Variants in RBFOX1 observed in about 807,000 individuals in gnomAD.
RBFOX1 encodes the protein RNA binding fox-1 homolog 1.
Under a neutral mutation model 57.7 loss-of-function variants are expected in RBFOX1, and 8 were observed. The observed-to-expected ratio is 0.14, with a 90% CI of 0.08 to 0.25. The LOEUF (loss-of-function observed/expected upper bound fraction) is 0.25. RBFOX1 is among the 10% of genes least tolerant of loss of function. The pLI, the probability that RBFOX1 is intolerant of heterozygous loss-of-function variation, is 1.00. For synonymous variants in RBFOX1, 326 were observed against 222.4 expected (o/e 1.47, Z -4.15); for missense variants, 611 against 548.5 (o/e 1.11, Z -1.14).
chr16:5,332,403 A>G (rs2064779985), intron 1 of RBFOX1, among the ~76,000 whole-genome samples: 1 of 151,942 alleles, frequency 6.6e-6, no homozygotes, highest in East Asian at 1.9e-4. Flanking sequence ...CTGGAATTAC[A>G]GGTACATGCC....
chr16:5,990,370 T>C (rs1207714016), intron 4 of RBFOX1, among the ~76,000 whole-genome samples: 1 of 152,198 alleles, frequency 6.6e-6, no homozygotes, highest in Non-Finnish European at 1.5e-5. Flanking sequence ...TATAACAACA[T>C]TATATACCAT....
intron 3 of RBFOX1, among the ~76,000 whole-genome samples, chr16:6,774,898 C>G (rs568483138): frequency 2.6e-5 from 4 of 152,106 alleles, no homozygotes; most frequent in East Asian, 1.9e-4. Context: ...TTAATATAAA[C>G]TTAACCCCAT....
chr16:5,282,567 C>G (rs1596384263), intron 1 of RBFOX1, among the ~76,000 whole-genome samples: 1 of 151,756 alleles, frequency 6.6e-6, no homozygotes. Context: ...AGGAACTTAT[C>G]AGGAACTGGC....
intron 4 of RBFOX1, among the ~76,000 whole-genome samples, chr16:7,208,315 T>C (rs2090415711): frequency 1.3e-5 from 2 of 152,280 alleles, no homozygotes; most frequent in African/African-American, 2.4e-5. Flanking sequence ...AGTTCACTTG[T>C]GTTTCAGTAA....
At chr16:7,463,083 C>A (rs1457539812) in intron 4 of RBFOX1, among the ~76,000 whole-genome samples, 6 of 152,196 alleles carry the variant, frequency 3.9e-5, no homozygotes, top group Non-Finnish European at 8.8e-5. Flanking sequence ...TAGATGCTGG[C>A]AAGTCCAAGA....
intron 1 of RBFOX1, among the ~76,000 whole-genome samples, chr16:5,278,625 T>C (rs1040537577): frequency 1.2e-4 from 19 of 152,252 alleles, no homozygotes; most frequent in African/African-American, 4.6e-4. Flanking sequence ...ATCCCATTTG[T>C]CTGATTTTGT....
chr16:6,346,879 A>G (rs911156672), intron 2 of RBFOX1, among the ~76,000 whole-genome samples: 13 of 152,078 alleles, frequency 8.5e-5, no homozygotes, highest in African/African-American at 3.1e-4. Flanking sequence ...TAACTGAATT[A>G]TGGGAGAGCA....
chr16:7,568,967 C>T (rs2092462699), intron 5 of RBFOX1, among the ~76,000 whole-genome samples: 5 of 151,762 alleles, frequency 3.3e-5, no homozygotes, highest in Admixed American at 3.3e-4. Flanking sequence ...TTTATCCAGC[C>T]CCTATTCAAG....
chr16:7,420,990 C>T (rs1471674626), intron 4 of RBFOX1, among the ~76,000 whole-genome samples: 3 of 150,366 alleles, frequency 2.0e-5, no homozygotes, highest in Non-Finnish European at 2.9e-5. Flanking sequence ...CCTGCGCTTT[C>T]CTGAGGCTGT....
chr16:6,763,000 A>G (rs1292770173), intron 3 of RBFOX1, among the ~76,000 whole-genome samples: 1 of 150,350 alleles, frequency 6.7e-6, no homozygotes, highest in Non-Finnish European at 1.5e-5. Flanking sequence ...CCCAGTGCAA[A>G]TAGGAACATG....
chr16:5,588,303 C>A (rs996937808), intron 2 of RBFOX1, among the ~76,000 whole-genome samples: 5 of 152,144 alleles, frequency 3.3e-5, no homozygotes, highest in African/African-American at 1.2e-4. Context: ...TGTGAACATA[C>A]TAAAACCCAT....
chr16:6,597,765 C>T (rs1286651549), intron 2 of RBFOX1, among the ~76,000 whole-genome samples: 3 of 152,180 alleles, frequency 2.0e-5, no homozygotes, highest in Non-Finnish European at 4.4e-5. Flanking sequence ...GGATTTTCTT[C>T]CAGTTTAAAA....
At chr16:6,293,696 G>A (rs984949291) in intron 1 of RBFOX1, among the ~76,000 whole-genome samples, 12 of 152,124 alleles carry the variant, frequency 7.9e-5, no homozygotes, top group African/African-American at 1.9e-4. Context: ...AGCCCTCGTC[G>A]CCTGGTATGG....
intron 14 of RBFOX1, among the ~76,000 whole-genome samples, chr16:7,694,047 A>C (rs894332248): frequency 2.0e-5 from 3 of 152,188 alleles, no homozygotes; most frequent in Non-Finnish European, 4.4e-5. Context: ...GTGGTTCAGA[A>C]CAGTTAAATT....
intron 4 of RBFOX1, among the ~76,000 whole-genome samples, chr16:7,139,194 GTGTATGTGTGTGTGTT>G (rs1167729303): frequency 2.0e-5 from 3 of 149,768 alleles, no homozygotes; most frequent in African/African-American, 7.6e-5. Context: ...GTGTGTGTGT[GTGTATGTGTGTGTGTT>G]TGTGTGTGTG....
chr16:6,110,697 C>T (rs2096436237), intron 1 of RBFOX1, among the ~76,000 whole-genome samples: 1 of 152,154 alleles, frequency 6.6e-6, no homozygotes, highest in South Asian at 2.1e-4. Flanking sequence ...TCCTCAAGAA[C>T]TGTATAATCC....
At position 5,680,955 on chromosome 16, in the gene RBFOX1, A is replaced by G. The variant is rs144464187; in HGVS notation, c.318+81994A>G. 8.6e-5 allele frequency among the ~76,000 whole-genome samples: 13 copies of G among 152,022 alleles called. No individual in the cohort carries two copies. The South Asian group carries it at 2.3e-3, about 27-fold the overall frequency. On this transcript the variant is annotated intron_variant, in intron 3 of 19. Coordinates refer to the RBFOX1 transcript ENST00000641259. ...GGGTGCAGCAGCTATAAAATTAGCA[A>G]CTATAAAAAGACCAACTTGAGATGT... is the stretch of plus-strand genomic sequence containing the variant.
In RBFOX1 at chr16:6,241,054, A is replaced by G. The variant is rs114653610; in HGVS notation, c.-126-75941A>G. On this transcript the variant is annotated intron_variant, in intron 1 of 15. Coordinates refer to ENST00000550418, the MANE Select transcript of RBFOX1 (RefSeq NM_018723.4). Reference sequence around the variant, plus strand: ...AAGGTGTATTGATGTACATATGCACAAAACATCTTTCATAACTACTCAACT... The same window carrying G: ...AAGGTGTATTGATGTACATATGCACGAAACATCTTTCATAACTACTCAACT... 2.1e-3 allele frequency among the ~76,000 whole-genome samples: 320 copies of G among 152,318 alleles called. 1 individual carries two copies. The highest frequency in any genetic ancestry group is 7.2e-3 in the African/African-American group (300 of 41,576).
chr16:7,349,759 T>C (rs534040169), intron 4 of RBFOX1, among the ~76,000 whole-genome samples: 10 of 152,180 alleles, frequency 6.6e-5, no homozygotes, highest in Non-Finnish European at 7.4e-5. Flanking sequence ...GTTCCAGGTG[T>C]GAGTAAGACC....
Sources: allele counts gnomAD v4.1 joint callset (sites outside exome capture counted in the v4.1 genomes callset), GRCh38; gene constraint gnomAD v4.1.1; transcripts MANE v1.5; gene names NCBI Gene and HGNC (gene_info 2026-07-23, HGNC 2026-07-21).